The following ATP8A1 variants were observed in gnomAD, a reference collection of about 807,000 sequenced individuals.
ATP8A1 encodes the protein phospholipid-transporting ATPase IA.
In ATP8A1, 90 loss-of-function variants were observed where a neutral mutation model predicts 177.7. The observed-to-expected ratio is 0.51, with a 90% CI of 0.43 to 0.60. The LOEUF is 0.60. Among genes scored for constraint, ATP8A1 ranks in the 20% least tolerant of loss-of-function variants. The pLI, the probability that ATP8A1 is intolerant of heterozygous loss-of-function variation, is 0.00. For missense variants in ATP8A1, 1,072 were observed against 1,392.8 expected, an observed-to-expected ratio of 0.77 and a Z score of 3.67; for synonymous variants, 493 against 485.9, an observed-to-expected ratio of 1.01 and a Z score of -0.19.
chr4:42,638,353 G>A (rs187100714), intron 1 of ATP8A1, among the ~76,000 whole-genome samples: 84 of 152,290 alleles, frequency 5.5e-4, no homozygotes, highest in African/African-American at 1.9e-3. Flanking sequence ...TTGAACTCAC[G>A]CTAAATTGCG....
chr4:42,557,255 CATT>C (rs1485848716), intron 15 of ATP8A1, among the ~76,000 whole-genome samples: 2 of 152,002 alleles, frequency 1.3e-5, no homozygotes, highest in African/African-American at 4.8e-5. Context: ...TCATCATCAT[CATT>C]ATCATTATTT....
At chr4:42,413,332 G>A (rs947235552) in intron 36 of ATP8A1, among the ~76,000 whole-genome samples, 4 of 152,188 alleles carry the variant, frequency 2.6e-5, no homozygotes, top group African/African-American at 9.7e-5. Context: ...CAATTCTGGA[G>A]GGGGTGAGGG....
At chr4:42,548,765 T>A (rs540621795) in intron 19 of ATP8A1, among the ~76,000 whole-genome samples, 1 of 152,166 alleles carries the variant, frequency 6.6e-6, no homozygotes, top group South Asian at 2.1e-4. Context: ...CTCCATGAGA[T>A]CAACTTTCAA....
chr4:42,617,041 C>T (rs1041144384), intron 4 of ATP8A1, among the ~76,000 whole-genome samples: 9 of 152,100 alleles, frequency 5.9e-5, no homozygotes, highest in African/African-American at 2.2e-4. Flanking sequence ...GCGTACCTGA[C>T]TATAATATGG....
chr4:42,588,393 T>C (rs949272775), intron 7 of ATP8A1, 64 bp from the exon 8 acceptor site: 2 of 1,363,122 alleles, frequency 1.5e-6, no homozygotes, highest in African/African-American at 1.4e-5. Context: ...TAATAACTTA[T>C]TTAAATGCTC....
At chr4:42,517,388 T>C (rs973995435) in intron 22 of ATP8A1, among the ~76,000 whole-genome samples, 2 of 152,008 alleles carry the variant, frequency 1.3e-5, no homozygotes, top group African/African-American at 4.8e-5. Context: ...ATATGTTGAC[T>C]ACCTTTCAAA....
chr4:42,544,705 T>C (rs1728717941), intron 19 of ATP8A1, among the ~76,000 whole-genome samples: 1 of 152,174 alleles, frequency 6.6e-6, no homozygotes. Flanking sequence ...ACCATGAGTG[T>C]GTAAGCATCC....
chr4:42,529,546 A>G (rs1354364389), intron 20 of ATP8A1, among the ~76,000 whole-genome samples: 1 of 152,196 alleles, frequency 6.6e-6, no homozygotes, highest in Middle Eastern at 3.2e-3. Flanking sequence ...GGCACAAGTA[A>G]GTTATGTGAG....
chr4:42,584,963 T>C (rs1041965745), intron 9 of ATP8A1, among the ~76,000 whole-genome samples: 5 of 152,174 alleles, frequency 3.3e-5, no homozygotes, highest in Admixed American at 2.6e-4. Flanking sequence ...CTATTTTCTC[T>C]AGGCCCTTCT....
intron 15 of ATP8A1, among the ~76,000 whole-genome samples, chr4:42,564,698 G>A (rs145349449): frequency 0.019 from 2,917 of 152,300 alleles, 90 homozygotes; most frequent in African/African-American, 0.066. Context: ...GAAGGGACTT[G>A]CCTTGTCTCA....
rs1553871738 is a variant in ATP8A1 at position 42,435,461 on chromosome 4, A to AAAAACAAC, written c.3123+8103_3123+8104insGTTGTTTT. 6.5e-5 allele frequency among the ~76,000 whole-genome samples: 8 copies of AAAAACAAC among 122,386 alleles called. 1 individual carries two copies. Among genetic ancestry groups the AAAAACAAC allele is most frequent in the Non-Finnish European group, 1.2e-4 (7 of 56,484 alleles). The allele number at this position is 122,386 out of a possible 152,430, so 80.3% of individuals were successfully genotyped here. ...AAAAAAAAAAAAAACAAAAAAAAAA[A>AAAAACAAC]AACAAACTATCTCCAGTTATGAGCT... On this transcript the variant is annotated intron_variant, in intron 33 of 36. Transcript: ENST00000381668.
rs778155403 is a variant in ATP8A1, at chr4:42,414,626, C to T, written c.3397+1G>A. ...TAAAAATAAGAAACTCAAATACTCA[C>T]GGAGCAGATTTTGTTGCAAGGATTC... On this transcript the variant is annotated splice_donor_variant, in intron 36 of 36. Coordinates refer to ENST00000381668, the MANE Select transcript of ATP8A1 (RefSeq NM_006095.2). LOFTEE classifies it high-confidence loss of function. The T allele has an allele frequency of 1.9e-6, 3 of 1,612,268 alleles. No homozygotes were observed. The highest frequency in any genetic ancestry group is 1.7e-5 in the Admixed American group (1 of 60,006).
intron 11 of ATP8A1, among the ~76,000 whole-genome samples, chr4:42,578,855 T>C (rs1239520767): frequency 2.0e-5 from 3 of 152,088 alleles, no homozygotes; most frequent in African/African-American, 4.8e-5. Context: ...CCTAGGTACA[T>C]TATACTCTTC....
intron 9 of ATP8A1, among the ~76,000 whole-genome samples, chr4:42,581,950 T>C (rs1733129005): frequency 6.6e-6 from 1 of 152,178 alleles, no homozygotes; most frequent in African/African-American, 2.4e-5. Context: ...TTTCTGTAAC[T>C]TCACTATCTG....
chr4:42,574,460 G>A (rs999721648), intron 14 of ATP8A1, among the ~76,000 whole-genome samples, 159 bp downstream of exon 14: 2 of 151,998 alleles, frequency 1.3e-5, no homozygotes, highest in Non-Finnish European at 2.9e-5. Context: ...AACTAGAAAC[G>A]CGAAATATAC....
chr4:42,419,794 G>A (rs1207388833), intron 35 of ATP8A1, among the ~76,000 whole-genome samples: 1 of 152,182 alleles, frequency 6.6e-6, no homozygotes, highest in Non-Finnish European at 1.5e-5. Context: ...ACGAGGTCAG[G>A]AGTTCGAGAC....
intron 25 of ATP8A1, among the ~76,000 whole-genome samples, chr4:42,469,066 G>A (rs1720115276): frequency 6.6e-6 from 1 of 152,082 alleles, no homozygotes; most frequent in African/African-American, 2.4e-5. Flanking sequence ...TCAATGGTTT[G>A]CCTCACTAAA....
intron 33 of ATP8A1, among the ~76,000 whole-genome samples, chr4:42,429,296 T>G (rs1038281283): frequency 6.6e-6 from 1 of 152,092 alleles, no homozygotes; most frequent in Non-Finnish European, 1.5e-5. Context: ...AAGCTAAATA[T>G]GTTAAACTAT....
chr4:42,628,657 A>T (rs1456783858), intron 1 of ATP8A1, among the ~76,000 whole-genome samples: 2 of 146,416 alleles, frequency 1.4e-5, no homozygotes, highest in African/African-American at 5.0e-5. Flanking sequence ...TGTTCTAAAC[A>T]CATACTTTTC....
Sources: gnomAD v4.1 joint callset for allele counts (sites outside exome capture counted in the v4.1 genomes callset) on GRCh38, gnomAD v4.1.1 for gene constraint, MANE v1.5 for transcripts, NCBI Gene and HGNC (gene_info 2026-07-23, HGNC 2026-07-21) for gene names.